Variants in AMPH observed in about 807,000 individuals in gnomAD.
AMPH encodes amphiphysin, also known as amphiphysin (Stiff-Mann syndrome with breast cancer 128kD autoantigen).
A neutral mutation model predicts 99.1 loss-of-function variants in AMPH; 49 were observed. The ratio of observed to expected loss-of-function variants is 0.49; its 90% CI spans 0.39 to 0.63. The LOEUF (loss-of-function observed/expected upper bound fraction) is 0.63, where lower values mean the gene tolerates loss of function less well. Ranked by LOEUF, AMPH falls within the 20% of genes least tolerant of loss-of-function variation. The pLI, the probability that AMPH is intolerant of heterozygous loss-of-function variation, is 0.00. For synonymous variants in AMPH, 314 were observed against 317.3 expected, an observed-to-expected ratio of 0.99 and a Z score of 0.11; for missense variants, 759 against 863.4, an observed-to-expected ratio of 0.88 and a Z score of 1.52.
intron 11 of AMPH, among the ~76,000 whole-genome samples, chr7:38,447,474 G>T (rs542668132): frequency 2.6e-5 from 4 of 151,400 alleles, no homozygotes; most frequent in Non-Finnish European, 5.9e-5. Flanking sequence ...CATCCTTTTG[G>T]GCATCATTTT....
chr7:38,450,067 G>GT (rs1435146585), intron 11 of AMPH, among the ~76,000 whole-genome samples: 1 of 152,194 alleles, frequency 6.6e-6, no homozygotes, highest in African/African-American at 2.4e-5. Flanking sequence ...AAAGCCAATG[G>GT]TGCTCAATTG....
intron 11 of AMPH, among the ~76,000 whole-genome samples, chr7:38,441,480 A>C (rs529626442): frequency 6.6e-6 from 1 of 152,064 alleles, no homozygotes; most frequent in South Asian, 2.1e-4. Context: ...TGGGTCATCA[A>C]ATAGGTCTCA....
At chr7:38,626,265 C>T (rs1794238408) in intron 1 of AMPH, among the ~76,000 whole-genome samples, 1 of 152,128 alleles carries the variant, frequency 6.6e-6, no homozygotes, top group Non-Finnish European at 1.5e-5. Flanking sequence ...TGAACCCCAT[C>T]ATTTAGGTTT....
intron 11 of AMPH, among the ~76,000 whole-genome samples, chr7:38,442,831 C>G (rs1283276842): frequency 1.3e-5 from 2 of 149,120 alleles, no homozygotes; most frequent in East Asian, 1.9e-4. Flanking sequence ...AAAGTAGAAA[C>G]TGGAAATTAT....
chr7:38,391,783 C>G lies in AMPH; in HGVS notation c.1843G>C (p.Ala615Pro). The G allele has an allele frequency of 6.2e-7, 1 of 1,613,840 alleles. No homozygotes were observed. The highest frequency in any genetic ancestry group is 1.3e-5 in the African/African-American group (1 of 75,024). The change falls in exon 19 of 21, where the codon GCC becomes CCC. Residue 615 changes from alanine to proline, a missense_variant. Around this residue, in one of 2 missense-constraint regions of AMPH, gnomAD observed 554 missense variants for 575.6 expected, o/e 0.96. Transcript: ENST00000356264. ...AADQLASAREASQELPPGFLY... is the reference protein window; with the variant it reads ...AADQLASAREPSQELPPGFLY... ...AAGCCAGGAGGCAATTCCTGAGAGG[C>G]CTCCCTTGCAGATGCTAGCTGGTCA...
chr7:38,403,248 G>A (rs1227310354), intron 17 of AMPH, among the ~76,000 whole-genome samples: 2 of 152,182 alleles, frequency 1.3e-5, no homozygotes, highest in African/African-American at 4.8e-5. Flanking sequence ...GGCAGAGACT[G>A]ACTCTTAAGG....
At chr7:38,438,211 T>C (rs1277117559) in intron 11 of AMPH, among the ~76,000 whole-genome samples, 1 of 152,234 alleles carries the variant, frequency 6.6e-6, no homozygotes, top group Non-Finnish European at 1.5e-5. Context: ...TTTGGTGCAA[T>C]CTAATGTTGA....
chr7:38,403,157 G>A (rs1784889311), intron 17 of AMPH, among the ~76,000 whole-genome samples: 1 of 152,168 alleles, frequency 6.6e-6, no homozygotes, highest in East Asian at 1.9e-4. Context: ...TGAATGGAAA[G>A]CTGAGAGAAG....
At chr7:38,560,730 T>C (rs1488809057) in intron 1 of AMPH, among the ~76,000 whole-genome samples, 2 of 152,202 alleles carry the variant, frequency 1.3e-5, no homozygotes, top group East Asian at 1.9e-4. Context: ...CCAACAGTTT[T>C]GAATTGAGTA....
chr7:38,383,789 C>G lies in AMPH; in HGVS notation c.*1029G>C, dbSNP rs1784280153. On this transcript the variant is annotated 3_prime_UTR_variant, in exon 21 of 21. Coordinates refer to ENST00000356264, the MANE Select transcript of AMPH (RefSeq NM_001635.4). ...AATTGTTACAGATGATTTGTGGATA[C>G]AGCATACACCATCTATTTTACTTTA... 1 of 152,232 alleles carries G rather than the reference C, an allele frequency of 6.6e-6. No individual in the cohort carries two copies. Among genetic ancestry groups the G allele is most frequent in the Non-Finnish European group, 1.5e-5 (1 of 68,004 alleles). 9.4% of individuals were successfully genotyped at this position (152,232 alleles called of 1,614,324 possible).
chr7:38,423,271 A>C (rs1459304051), intron 15 of AMPH, among the ~76,000 whole-genome samples: 2 of 152,218 alleles, frequency 1.3e-5, no homozygotes, highest in African/African-American at 4.8e-5. Flanking sequence ...AAACAAATCA[A>C]GCTGGAGGAA....
chr7:38,546,171 C>T (rs1248957853), intron 1 of AMPH, among the ~76,000 whole-genome samples: 1 of 152,166 alleles, frequency 6.6e-6, no homozygotes, highest in Non-Finnish European at 1.5e-5. Context: ...AGAGATGCTG[C>T]CCCTTCTGGC....
At chr7:38,394,235 G>C (rs1784600819) in intron 17 of AMPH, 21 bp from the exon 18 acceptor site, 1 of 1,613,082 alleles carries the variant, frequency 6.2e-7, no homozygotes, top group African/African-American at 1.3e-5. Flanking sequence ...GAAACCAGCA[G>C]GCCACGTCTG....
At chr7:38,415,599 T>A (rs1785354434) in intron 17 of AMPH, among the ~76,000 whole-genome samples, 1 of 152,220 alleles carries the variant, frequency 6.6e-6, no homozygotes, top group Non-Finnish European at 1.5e-5. Context: ...TATCTGATTC[T>A]ATTTTCCTAA....
intron 17 of AMPH, among the ~76,000 whole-genome samples, chr7:38,394,581 A>G (rs2128976319): frequency 6.6e-6 from 1 of 152,320 alleles, no homozygotes; most frequent in Non-Finnish European, 1.5e-5. Flanking sequence ...TAGGGGAGTG[A>G]AAGAAATAAA....
chr7:38,540,692 CAAAAAAAAAAAA>C (rs373768495), intron 1 of AMPH, among the ~76,000 whole-genome samples: 16 of 19,768 alleles, frequency 8.1e-4, no homozygotes, highest in East Asian at 6.6e-3. Flanking sequence ...TGACCCCAAG[CAAAAAAAAAAAA>C]AAAAAAAAAA....
At chr7:38,561,096 C>T (rs184547923) in intron 1 of AMPH, among the ~76,000 whole-genome samples, 3 of 152,262 alleles carry the variant, frequency 2.0e-5, no homozygotes, top group Admixed American at 2.0e-4. Flanking sequence ...TATTTGCAGG[C>T]CAGTAACCAA....
At chr7:38,562,235 T>C (rs1488604834) in intron 1 of AMPH, among the ~76,000 whole-genome samples, 2 of 152,182 alleles carry the variant, frequency 1.3e-5, no homozygotes, top group Non-Finnish European at 2.9e-5. Flanking sequence ...GCAAAACACA[T>C]TGACACTTTC....
At position 38,545,838 on chromosome 7, in the gene AMPH, C is replaced by G. The variant is rs146296628; in HGVS notation, c.70-10827G>C. Reference sequence around the variant, plus strand: ...TTTCAAACAGATCCAGCAGGATGTGCGTGATCACAAAGGCAATTTCACCGA... The same window carrying G: ...TTTCAAACAGATCCAGCAGGATGTGGGTGATCACAAAGGCAATTTCACCGA... On this transcript the variant is annotated intron_variant, in intron 1 of 20. Transcript: ENST00000356264. 8.5e-3 allele frequency among the ~76,000 whole-genome samples: 1,299 copies of G among 152,128 alleles called. 13 individuals carry two copies. The highest frequency in any genetic ancestry group is 0.01 in the Non-Finnish European group (713 of 67,998).
Sources: gnomAD v4.1 joint callset for allele counts (sites outside exome capture counted in the v4.1 genomes callset) on GRCh38, gnomAD v4.1.1 for gene constraint, gnomAD v4.1.1 regional missense constraint, MANE v1.5 for transcripts, NCBI Gene and HGNC (gene_info 2026-07-23, HGNC 2026-07-21) for gene names.